The following CDH4 variants were observed in gnomAD, a reference collection of about 807,000 sequenced individuals.
The protein encoded by CDH4 is cadherin 4.
A neutral mutation model predicts 86.0 loss-of-function variants in CDH4; 33 were observed. The ratio of observed to expected loss-of-function variants is 0.38; its 90% CI spans 0.29 to 0.51. The LOEUF (loss-of-function observed/expected upper bound fraction) is 0.51, where lower values mean the gene tolerates loss of function less well. Among genes scored for constraint, CDH4 ranks in the 20% least tolerant of loss-of-function variants. The probability of loss-of-function intolerance (pLI) is 0.86; values close to 1 mark genes in which losing one functional copy is unlikely to be tolerated. For synonymous variants in CDH4, 555 were observed against 549.4 expected, an observed-to-expected ratio of 1.01 and a Z score of -0.14; for missense variants, 1,114 against 1,307.4, an observed-to-expected ratio of 0.85 and a Z score of 2.28.
At chr20:61,725,912 G>A (rs1010260350) in intron 2 of CDH4, among the ~76,000 whole-genome samples, 5 of 152,232 alleles carry the variant, frequency 3.3e-5, no homozygotes, top group Admixed American at 2.0e-4. Flanking sequence ...TGCGGCTCTA[G>A]AAATAGCCTG....
chr20:61,885,538 A>G (rs535329283), intron 7 of CDH4, among the ~76,000 whole-genome samples: 6 of 152,280 alleles, frequency 3.9e-5, no homozygotes, highest in African/African-American at 7.2e-5. Context: ...TCATCGCTCA[A>G]TGGACCCTTG....
At chr20:61,611,985 T>C (rs1457535574) in intron 2 of CDH4, among the ~76,000 whole-genome samples, 6 of 152,102 alleles carry the variant, frequency 3.9e-5, no homozygotes, top group African/African-American at 1.2e-4. Flanking sequence ...CATCTTCAGC[T>C]CATGCATTTT....
At chr20:61,500,759 C>G (rs939212356) in intron 2 of CDH4, among the ~76,000 whole-genome samples, 1 of 152,192 alleles carries the variant, frequency 6.6e-6, no homozygotes, top group Non-Finnish European at 1.5e-5. Flanking sequence ...CTTTATAAAT[C>G]CTGTTTCCTT....
At chr20:61,387,590 A>C (rs776066052) in intron 2 of CDH4, among the ~76,000 whole-genome samples, 26 of 152,174 alleles carry the variant, frequency 1.7e-4, no homozygotes, top group Non-Finnish European at 3.5e-4. Flanking sequence ...ACACACGCAC[A>C]TTTGGCCACA....
chr20:61,655,467 C>A (rs866028542), intron 2 of CDH4, among the ~76,000 whole-genome samples: 3 of 152,224 alleles, frequency 2.0e-5, no homozygotes, highest in East Asian at 3.9e-4. Context: ...AAACGGCCAT[C>A]GTTCCAGGCA....
intron 2 of CDH4, among the ~76,000 whole-genome samples, chr20:61,637,251 G>A (rs991750281): frequency 6.6e-5 from 10 of 152,236 alleles, no homozygotes; most frequent in African/African-American, 1.4e-4. Context: ...GCGCGTGTGT[G>A]TCTGACTCTG....
At chr20:61,307,915 C>T (rs189936806) in intron 2 of CDH4, among the ~76,000 whole-genome samples, 2 of 152,290 alleles carry the variant, frequency 1.3e-5, no homozygotes, top group Admixed American at 6.5e-5. Flanking sequence ...TTGATTTGTC[C>T]AGTGTACTCT....
chr20:61,719,215 T>G (rs1226814505), intron 2 of CDH4: 1 of 425,874 alleles, frequency 2.3e-6, no homozygotes, highest in East Asian at 7.1e-5. Context: ...TCTTGGTAGT[T>G]TTTGTTCATT....
In CDH4 at chr20:61,937,984, G is replaced by C. The variant is rs2123031410; in HGVS notation, c.*1041G>C. 6.6e-6 allele frequency: 1 copy of C among 152,586 alleles called. No homozygotes were observed. The allele number at this position is 152,586 out of a possible 1,614,324, so 9.5% of individuals were successfully genotyped here. ...GGACCCTCCCTGGCAGCTGAAGAGG[G>C]CAGTTACGGTTGGGCGTGGTGACCA... is the stretch of plus-strand genomic sequence containing the variant. On this transcript the variant is annotated 3_prime_UTR_variant, in exon 16 of 16. Coordinates refer to ENST00000614565, the MANE Select transcript of CDH4 (RefSeq NM_001794.5).
intron 9 of CDH4, 148 bp from the exon 10 acceptor site, chr20:61,923,303 C>T (rs2055004087): frequency 2.5e-6 from 2 of 801,002 alleles, no homozygotes; most frequent in Non-Finnish European, 4.1e-6. Flanking sequence ...AGATGGGACC[C>T]TTTGGGGCCT....
chr20:61,726,394 CT>C (rs2088111688), intron 2 of CDH4, among the ~76,000 whole-genome samples: 1 of 152,120 alleles, frequency 6.6e-6, no homozygotes, highest in African/African-American at 2.4e-5. Flanking sequence ...AAGGCAGAGA[CT>C]ACATTTCGGA....
At chr20:61,535,653 G>A (rs1046681287) in intron 2 of CDH4, among the ~76,000 whole-genome samples, 2 of 152,218 alleles carry the variant, frequency 1.3e-5, no homozygotes, top group African/African-American at 4.8e-5. Context: ...GAGGGCAGCA[G>A]CAGAGCATTC....
chr20:61,503,216 T>G (rs2085717395), intron 2 of CDH4, among the ~76,000 whole-genome samples: 1 of 152,116 alleles, frequency 6.6e-6, no homozygotes, highest in African/African-American at 2.4e-5. Flanking sequence ...GGGCGAGGTC[T>G]TTGGGGAGAG....
At chr20:61,745,308 T>G (rs947861007) in intron 3 of CDH4, among the ~76,000 whole-genome samples, 1 of 152,138 alleles carries the variant, frequency 6.6e-6, no homozygotes, top group Non-Finnish European at 1.5e-5. Flanking sequence ...CCCTTCTCCA[T>G]GGAAAGCTTG....
chr20:61,455,868 T>C (rs1321911320), intron 2 of CDH4, among the ~76,000 whole-genome samples: 1 of 152,162 alleles, frequency 6.6e-6, no homozygotes, highest in Non-Finnish European at 1.5e-5. Flanking sequence ...CAAACATGCA[T>C]GCAGGTGTGG....
intron 2 of CDH4, among the ~76,000 whole-genome samples, chr20:61,532,010 C>T (rs960794913): frequency 2.1e-4 from 32 of 152,382 alleles, no homozygotes; most frequent in African/African-American, 6.0e-4. Flanking sequence ...CTGTGGAAAG[C>T]GTCGGCCAGT....
In CDH4 at chr20:61,408,329, G is replaced by A. The variant is rs550960631; in HGVS notation, c.169+153392G>A. Among the ~76,000 whole-genome samples the A allele has an allele frequency of 1.1e-4, 17 of 152,224 alleles. No individual in the cohort carries two copies. In the South Asian group the frequency reaches 2.7e-3, roughly 24 times the overall value. ...CTGCCCCAGGAACAGATGGTGATGC[G>A]GTTTAACTTGGGGGGTGGTGTTGCC... is the stretch of plus-strand genomic sequence containing the variant. On this transcript the variant is annotated intron_variant, in intron 2 of 15. Coordinates refer to ENST00000614565, the MANE Select transcript of CDH4 (RefSeq NM_001794.5).
intron 2 of CDH4, among the ~76,000 whole-genome samples, chr20:61,622,761 G>C (rs1242007015): frequency 6.6e-6 from 1 of 152,214 alleles, no homozygotes; most frequent in East Asian, 1.9e-4. Context: ...TCTCTGCCCA[G>C]TAGATGCCAG....
At position 61,933,961 on chromosome 20, in the gene CDH4, C is replaced by T. The variant is rs1459151099; in HGVS notation, c.2380-95C>T. On this transcript the variant is annotated intron_variant, in intron 14 of 15. Transcript: ENST00000614565. ...AGACCAGGCCACAGGGCAGCAGGTG[C>T]ATCTGTGGCCCAGGTGACAGAAAAG... 13 of 1,386,352 alleles carry T rather than the reference C, an allele frequency of 9.4e-6. No individual in the cohort carries two copies. The Admixed American group carries it at 2.3e-4, about 24-fold the overall frequency. The allele number at this position is 1,386,352 out of a possible 1,614,324, so 85.9% of individuals were successfully genotyped here. A position where few individuals can be genotyped will look rare whatever the true frequency, so the allele number is the denominator to read the frequency against.
Sources: allele counts gnomAD v4.1 joint callset (sites outside exome capture counted in the v4.1 genomes callset), GRCh38; gene constraint gnomAD v4.1.1; transcripts MANE v1.5; gene names NCBI Gene and HGNC (gene_info 2026-07-23, HGNC 2026-07-21).